SP140L: variants seen among roughly 807,000 people sequenced by gnomAD.
SP140L encodes the protein nuclear body protein SP140-like protein.
A neutral mutation model predicts 84.3 loss-of-function variants in SP140L; 64 were observed. The observed-to-expected ratio is 0.76, with a 90% confidence interval of 0.62 to 0.94. The LOEUF (loss-of-function observed/expected upper bound fraction) is 0.94, where lower values mean the gene tolerates loss of function less well. SP140L is among the 40% of genes least tolerant of loss of function. The pLI is 0.00. For synonymous variants in SP140L, 242 were observed against 236.9 expected (o/e 1.02, Z -0.20); for missense variants, 628 against 692.5 (o/e 0.91, Z 1.05).
chr2:230,340,202 T>C lies in SP140L; in HGVS notation c.107+11371T>C, dbSNP rs567438148. On this transcript the variant is annotated intron_variant, in intron 2 of 18. Coordinates refer to ENST00000415673, the MANE Select transcript of SP140L (RefSeq NM_138402.6). ...GTATTGAGTGCATATATATTTAGGA[T>C]AGTTAGCTCTTCTTGTTGAATTGAT... 2.4e-3 allele frequency among the ~76,000 whole-genome samples: 370 copies of C among 151,876 alleles called. 2 individuals are homozygous for C. The highest frequency in any genetic ancestry group is 3.9e-3 in the Non-Finnish European group (263 of 67,976).
chr2:230,374,505 T>C (rs1010183555), intron 7 of SP140L, among the ~76,000 whole-genome samples: 6 of 152,196 alleles, frequency 3.9e-5, no homozygotes, highest in Non-Finnish European at 7.3e-5. Context: ...AATATATTAG[T>C]TGATAAAGCA....
At chr2:230,340,373 G>T (rs1400228696) in intron 2 of SP140L, among the ~76,000 whole-genome samples, 1 of 148,226 alleles carries the variant, frequency 6.7e-6, no homozygotes, top group Non-Finnish European at 1.5e-5. Context: ...TTTATTTTGA[G>T]CCAATGTGTG....
At chr2:230,352,885 G>T (rs2060409056) in intron 2 of SP140L, among the ~76,000 whole-genome samples, 1 of 151,744 alleles carries the variant, frequency 6.6e-6, no homozygotes, top group Non-Finnish European at 1.5e-5. Context: ...TATAATGGTG[G>T]TAATAGTAGA....
At chr2:230,338,900 G>A (rs1218716770) in intron 2 of SP140L, among the ~76,000 whole-genome samples, 1 of 142,340 alleles carries the variant, frequency 7.0e-6, no homozygotes, top group African/African-American at 2.7e-5. Flanking sequence ...CGTTTTGCCA[G>A]TATTTTATTG....
intron 14 of SP140L, among the ~76,000 whole-genome samples, chr2:230,399,174 TA>T (rs1429989918): frequency 6.6e-6 from 1 of 152,254 alleles, no homozygotes; most frequent in Non-Finnish European, 1.5e-5. Context: ...ATACAGCATA[TA>T]ATGTATTGGT....
At chr2:230,336,435 T>G (rs2059885316) in intron 2 of SP140L, among the ~76,000 whole-genome samples, 1 of 152,220 alleles carries the variant, frequency 6.6e-6, no homozygotes, top group Non-Finnish European at 1.5e-5. Flanking sequence ...TACCTGCAAG[T>G]AATTATGTCT....
chr2:230,363,893 C>T (rs1291585874), intron 5 of SP140L, among the ~76,000 whole-genome samples: 1 of 152,124 alleles, frequency 6.6e-6, no homozygotes, highest in Non-Finnish European at 1.5e-5. Context: ...ACGTGAAGAT[C>T]CAGTTGTCCC....
chr2:230,400,742 T>C, intron 15 of SP140L: 1 of 1,149,722 alleles, frequency 8.7e-7, no homozygotes, highest in Non-Finnish European at 1.2e-6. Context: ...GACACCACCT[T>C]CCTGAGGCTT....
chr2:230,363,794 C>A (rs2060792860), intron 5 of SP140L, among the ~76,000 whole-genome samples: 1 of 152,152 alleles, frequency 6.6e-6, no homozygotes, highest in South Asian at 2.1e-4. Context: ...AGTAATTTTG[C>A]AGCTTCAGGT....
intron 5 of SP140L, among the ~76,000 whole-genome samples, chr2:230,367,523 G>A (rs1437607187): frequency 3.3e-5 from 5 of 151,666 alleles, no homozygotes; most frequent in Non-Finnish European, 7.4e-5. Flanking sequence ...TGAACTCCTG[G>A]GCTTCAATGA....
At chr2:230,342,522 G>A (rs2060086557) in intron 2 of SP140L, among the ~76,000 whole-genome samples, 1 of 152,160 alleles carries the variant, frequency 6.6e-6, no homozygotes, top group Non-Finnish European at 1.5e-5. Context: ...CCCGGAGCCT[G>A]CGTTTTTCTT....
intron 2 of SP140L, among the ~76,000 whole-genome samples, chr2:230,336,757 A>C (rs1228666454): frequency 6.6e-6 from 1 of 152,114 alleles, no homozygotes; most frequent in Non-Finnish European, 1.5e-5. Context: ...TTCCTATATC[A>C]CTGTCAGACT....
Position 230,390,086 on chromosome 2 carries a change from A to T in SP140L, c.964+63A>T, listed in dbSNP as rs1186916457. The T allele has an allele frequency of 4.8e-6, 7 of 1,452,332 alleles. No individual in the cohort carries two copies. In the East Asian group the frequency reaches 1.6e-4, roughly 33 times the overall value. The allele number at this position is 1,452,332 out of a possible 1,614,324, so 90.0% of individuals were successfully genotyped here. A position where few individuals can be genotyped will look rare whatever the true frequency, so the allele number is the denominator to read the frequency against. On this transcript the variant is annotated intron_variant, in intron 11 of 18. Coordinates refer to ENST00000415673, the MANE Select transcript of SP140L (RefSeq NM_138402.6). ...CTGAAGGCATCACAAGAAGTGGTGA[A>T]ATTATTTGTGTGAATTACACATCAT... is the stretch of plus-strand genomic sequence containing the variant.
chr2:230,400,606 C>CTCA, intron 15 of SP140L: 3 of 508,432 alleles, frequency 5.9e-6, no homozygotes, highest in Non-Finnish European at 7.1e-6. Context: ...GAAGCACGGT[C>CTCA]TTAGGCGGAT....
intron 2 of SP140L, among the ~76,000 whole-genome samples, chr2:230,339,394 T>C (rs1337530412): frequency 1.3e-5 from 2 of 148,246 alleles, no homozygotes; most frequent in African/African-American, 2.5e-5. Context: ...TCTTTTTTTC[T>C]TTATTAGTCT....
At chr2:230,393,484 C>T (rs745768835) in intron 13 of SP140L, 23 bp downstream of exon 13, 11 of 1,552,848 alleles carry the variant, frequency 7.1e-6, no homozygotes, top group African/African-American at 2.8e-5. Context: ...TAATTTTCTA[C>T]AGATTCTTGT....
chr2:230,390,073 C>T (rs773884109), intron 11 of SP140L, 50 bp downstream of exon 11: 2 of 1,495,004 alleles, frequency 1.3e-6, no homozygotes, highest in African/African-American at 2.8e-5. Context: ...GAAGGCATCA[C>T]AAGAAGTGGT....
intron 2 of SP140L, among the ~76,000 whole-genome samples, chr2:230,332,022 G>A (rs1486327625): frequency 6.6e-6 from 1 of 152,032 alleles, no homozygotes; most frequent in Non-Finnish European, 1.5e-5. Flanking sequence ...ACAAAAATGA[G>A]CATTTTTGTT....
intron 4 of SP140L, 70 bp downstream of exon 4, chr2:230,359,202 C>T: frequency 1.5e-6 from 2 of 1,361,888 alleles, no homozygotes; most frequent in Non-Finnish European, 2.1e-6. Flanking sequence ...TGTTTGAGCT[C>T]CTACCATGTG....
Sources: allele counts gnomAD v4.1 joint callset (sites outside exome capture counted in the v4.1 genomes callset), GRCh38; gene constraint gnomAD v4.1.1; transcripts MANE v1.5; gene names NCBI Gene and HGNC (gene_info 2026-07-23, HGNC 2026-07-21).